Variants in LATS2 observed in about 807,000 individuals in gnomAD.
LATS2 encodes serine/threonine-protein kinase LATS2.
In LATS2, 24 loss-of-function variants were observed where a neutral mutation model predicts 76.0. The ratio of observed to expected loss-of-function variants is 0.32; its 90% CI spans 0.23 to 0.44. The LOEUF (loss-of-function observed/expected upper bound fraction) is 0.44. LATS2 is among the 20% of genes least tolerant of loss of function. The pLI is 1.00. For missense variants in LATS2, 1,286 were observed against 1,481.2 expected (o/e 0.87, Z 2.16); for synonymous variants, 692 against 635.4 (o/e 1.09, Z -1.34).
chr13:21,016,717 C>T (rs764757324), intron 2 of LATS2, among the ~76,000 whole-genome samples: 7 of 152,176 alleles, frequency 4.6e-5, no homozygotes, highest in Non-Finnish European at 8.8e-5. Flanking sequence ...GCCTCTCAGG[C>T]AACCCAGAGC....
chr13:21,030,105 A>G (rs1190186610), intron 2 of LATS2, among the ~76,000 whole-genome samples: 1 of 151,460 alleles, frequency 6.6e-6, no homozygotes, highest in Non-Finnish European at 1.5e-5. Context: ...GCCTGGCAAA[A>G]GAGCTAGACT....
At chr13:21,043,460 C>A (rs1048731436) in intron 2 of LATS2, among the ~76,000 whole-genome samples, 1 of 152,126 alleles carries the variant, frequency 6.6e-6, no homozygotes. Flanking sequence ...GACTTTCCTA[C>A]CTGAATTTTC....
chr13:20,973,178 T>C lies in LATS2; in HGVS notation c.*1692A>G, dbSNP rs535233. 0.28 allele frequency: 64,369 copies of C among 232,266 alleles called. 9,613 individuals carry two copies. The highest frequency in any genetic ancestry group is 0.33 in the Non-Finnish European group (38,885 of 117,284). The allele number at this position is 232,266 out of a possible 1,614,324, so 14.4% of individuals were successfully genotyped here. On this transcript the variant is annotated 3_prime_UTR_variant, in exon 8 of 8. Coordinates refer to ENST00000382592, the MANE Select transcript of LATS2 (RefSeq NM_014572.3). ...TGTCAGAGCGCTGTGAGTAACAACA[T>C]GGCACGACTATAAAATAGCGAGAAT... is the stretch of plus-strand genomic sequence containing the variant.
At chr13:20,982,214 C>T (rs1869921054) in intron 5 of LATS2, among the ~76,000 whole-genome samples, 1 of 152,240 alleles carries the variant, frequency 6.6e-6, no homozygotes, top group Admixed American at 6.5e-5. Context: ...TTTGGCTTTT[C>T]CAAATGGCAG....
At chr13:21,018,889 G>A (rs1263698695) in intron 2 of LATS2, among the ~76,000 whole-genome samples, 6 of 152,070 alleles carry the variant, frequency 3.9e-5, no homozygotes, top group Non-Finnish European at 7.4e-5. Flanking sequence ...CAAATAATCC[G>A]CCTGCCTTGG....
rs1306752894 is a variant in LATS2, at chr13:20,988,341, G to A, written c.1439C>T (p.Ala480Val). The A allele has an allele frequency of 1.8e-5, 25 of 1,413,204 alleles. No individual in the cohort carries two copies. Among genetic ancestry groups the A allele is most frequent in the Non-Finnish European group, 2.1e-5 (23 of 1,096,788 alleles). The allele number at this position is 1,413,204 out of a possible 1,614,324, so 87.5% of individuals were successfully genotyped here. A position where few individuals can be genotyped will look rare whatever the true frequency, so the allele number is the denominator to read the frequency against. The stretch of plus-strand genomic sequence containing the variant: ...CTCCTTGGCGTCCAAGCCCTCCGCA[G>A]CCGGGGCGGGGGCGGGGGCGGGGGC... ...APAPAPAPAP[A>V]AEGLDAKEEH... is the part of the protein sequence containing the mutation. The change falls in exon 4 of 8, where the codon GCT becomes GTT. Residue 480 changes from alanine (A) to valine (V), a missense_variant. By Grantham distance (64) the Ala-to-Val change is moderately conservative (BLOSUM62 0). Coordinates refer to ENST00000382592, the MANE Select transcript of LATS2 (RefSeq NM_014572.3).
intron 2 of LATS2, among the ~76,000 whole-genome samples, chr13:21,034,448 A>G (rs1872627558): frequency 6.6e-6 from 1 of 152,098 alleles, no homozygotes; most frequent in Non-Finnish European, 1.5e-5. Context: ...TCCTTGACAA[A>G]AGAGCCAGAG....
chr13:21,030,601 A>G (rs985707602), intron 2 of LATS2, among the ~76,000 whole-genome samples: 1 of 73,564 alleles, frequency 1.4e-5, no homozygotes, highest in African/African-American at 4.3e-5. Flanking sequence ...CAAAAAAAAA[A>G]AAAAAAAAAA....
intron 2 of LATS2, among the ~76,000 whole-genome samples, chr13:21,019,132 C>A (rs553222608): frequency 1.3e-5 from 2 of 152,226 alleles, no homozygotes; most frequent in South Asian, 4.2e-4. Flanking sequence ...ATTTCCATTT[C>A]CTCCCGTGTA....
chr13:21,025,413 A>AAAAAAC (rs367560172), intron 2 of LATS2, among the ~76,000 whole-genome samples: 1 of 140,208 alleles, frequency 7.1e-6, no homozygotes, highest in Non-Finnish European at 1.5e-5. Flanking sequence ...AAAAAAAAAA[A>AAAAAAC]ATTATGGTCA....
rs185917076 is a variant in LATS2 at position 21,018,421 on chromosome 13, G to A, written c.343-27017C>T. ...ATGGAAAAACAAAATTCTGCCCTGG[G>A]GCAGATGAAAAGTACTGCATGAGGC... On this transcript the variant is annotated intron_variant, in intron 2 of 7. Coordinates refer to ENST00000382592, the MANE Select transcript of LATS2 (RefSeq NM_014572.3). Among the ~76,000 whole-genome samples, 175 of 152,296 alleles carry A rather than the reference G, an allele frequency of 1.1e-3. 2 individuals carry two copies. The highest frequency in any genetic ancestry group is 2.0e-3 in the Non-Finnish European group (137 of 68,024).
At chr13:21,044,289 TGA>T (rs1872985336) in intron 2 of LATS2, among the ~76,000 whole-genome samples, 1 of 152,200 alleles carries the variant, frequency 6.6e-6, no homozygotes, top group Non-Finnish European at 1.5e-5. Flanking sequence ...ACAAGAGGAT[TGA>T]GAGTGGTTTT....
At chr13:21,046,369 T>G (rs1228338895) in intron 1 of LATS2, 139 bp from the exon 2 acceptor site, 17 of 269,850 alleles carry the variant, frequency 6.3e-5, no homozygotes, top group Non-Finnish European at 1.2e-4. Flanking sequence ...CTCTCAGAAA[T>G]GACAAAAATA....
chr13:21,047,507 C>T (rs909425585), intron 1 of LATS2, among the ~76,000 whole-genome samples: 9 of 152,222 alleles, frequency 5.9e-5, no homozygotes, highest in African/African-American at 2.2e-4. Context: ...CCCTCACCCA[C>T]TCCCCCTTAC....
intron 2 of LATS2, among the ~76,000 whole-genome samples, chr13:21,036,872 G>A (rs1318459595): frequency 1.3e-5 from 2 of 152,176 alleles, no homozygotes; most frequent in Admixed American, 6.5e-5. Context: ...AATATTCATC[G>A]TTAGCAGGGT....
At chr13:20,984,036 T>TTCTGCTG (rs1416299291) in intron 4 of LATS2, among the ~76,000 whole-genome samples, 1 of 152,234 alleles carries the variant, frequency 6.6e-6, no homozygotes, top group Non-Finnish European at 1.5e-5. Context: ...GTTCCAGCGA[T>TTCTGCTG]TCTGCTGTCT....
chr13:20,998,571 G>A (rs1166241947), intron 2 of LATS2, among the ~76,000 whole-genome samples: 1 of 152,164 alleles, frequency 6.6e-6, no homozygotes, highest in African/African-American at 2.4e-5. Flanking sequence ...GAGCCGAGGA[G>A]CTGGAATTTC....
chr13:21,021,298 C>G (rs1242966748), intron 2 of LATS2, among the ~76,000 whole-genome samples: 3 of 151,740 alleles, frequency 2.0e-5, no homozygotes, highest in Non-Finnish European at 4.4e-5. Context: ...CATGGTGAAA[C>G]CCTGTCTCTA....
chr13:20,983,035 T>TA (rs372186448), intron 5 of LATS2, among the ~76,000 whole-genome samples, 189 bp downstream of exon 5: 137 of 147,162 alleles, frequency 9.3e-4, no homozygotes, highest in African/African-American at 2.9e-3. Flanking sequence ...TCCACTACCT[T>TA]AAAAAAAAAT....
Sources: gnomAD v4.1 joint callset for allele counts (sites outside exome capture counted in the v4.1 genomes callset) on GRCh38, gnomAD v4.1.1 for gene constraint, MANE v1.5 for transcripts, NCBI Gene and HGNC (gene_info 2026-07-23, HGNC 2026-07-21) for gene names.